Variants in HELZ observed in about 807,000 individuals in gnomAD.
The protein encoded by HELZ is ATP-dependent RNA helicase with zinc finger domain.
HELZ carries 23 observed loss-of-function variants against 218.2 expected under a neutral mutation model. That is an observed-to-expected ratio of 0.11 (90% confidence interval 0.08 to 0.15). The LOEUF (loss-of-function observed/expected upper bound fraction) is 0.15, where lower values mean the gene tolerates loss of function less well. Among genes scored for constraint, HELZ ranks in the 10% least tolerant of loss-of-function variants. The probability of loss-of-function intolerance (pLI) is 1.00; values close to 1 mark genes in which losing one functional copy is unlikely to be tolerated. For missense variants in HELZ, 1,813 were observed against 2,353.7 expected (o/e 0.77, Z 4.75); for synonymous variants, 814 against 829.4 (o/e 0.98, Z 0.32).
At chr17:67,111,414 A>G (rs949276908) in intron 28 of HELZ, among the ~76,000 whole-genome samples, 2 of 152,152 alleles carry the variant, frequency 1.3e-5, no homozygotes, top group African/African-American at 2.4e-5. Context: ...TGGCACGTCA[A>G]TCTCCTTACA....
At chr17:67,144,248 A>G (rs1226925598) in intron 21 of HELZ, among the ~76,000 whole-genome samples, 1 of 152,098 alleles carries the variant, frequency 6.6e-6, no homozygotes, top group Non-Finnish European at 1.5e-5. Context: ...CTACACTGGT[A>G]TTTAGCTGAG....
intron 3 of HELZ, among the ~76,000 whole-genome samples, chr17:67,237,077 C>T (rs755821317): frequency 5.9e-5 from 9 of 152,190 alleles, no homozygotes; most frequent in Admixed American, 1.3e-4. Flanking sequence ...TAGTGGTTCA[C>T]GCCTGTAATC....
Position 67,094,333 on chromosome 17 carries a change from A to AGAGAGAGAGAG in HELZ, c.5242-7253_5242-7252insCTCTCTCTCTC, listed in dbSNP as rs1555597035. Among the ~76,000 whole-genome samples the AGAGAGAGAGAG allele has an allele frequency of 3.5e-3, 511 of 146,622 alleles. 5 individuals are homozygous for AGAGAGAGAGAG. The highest frequency in any genetic ancestry group is 0.013 in the African/African-American group (483 of 38,020). ...GGAGACCTGGTCTTGAAAAAAAAAAAAGAGAGAGAGAGAGAGAGAGATACA... is the reference window on the plus strand; with the variant it reads ...GGAGACCTGGTCTTGAAAAAAAAAAAGAGAGAGAGAGAGAGAGAGAGAGAGAGAGAGATACA... On this transcript the variant is annotated intron_variant, in intron 31 of 32. Coordinates refer to ENST00000358691, the MANE Select transcript of HELZ (RefSeq NM_014877.4).
chr17:67,167,940 A>G (rs2039195631), intron 13 of HELZ, 144 bp from the exon 14 acceptor site: 1 of 639,828 alleles, frequency 1.6e-6, no homozygotes, highest in South Asian at 2.6e-5. Flanking sequence ...TAAAAACTGT[A>G]TTTTTCTGCC....
In HELZ at chr17:67,171,299, C is replaced by T. The variant is rs568728459; in HGVS notation, c.1431-3503G>A. On this transcript the variant is annotated intron_variant, in intron 13 of 32. Transcript: ENST00000358691. The stretch of plus-strand genomic sequence containing the variant: ...TCAAATGGACACTTTTGATTACATG[C>T]CCTTTAAACTCAGTATATGCAAAAC... 2.6e-5 allele frequency among the ~76,000 whole-genome samples: 4 copies of T among 152,268 alleles called. No homozygotes were observed. The South Asian group carries it at 8.3e-4, about 32-fold the overall frequency.
intron 31 of HELZ, among the ~76,000 whole-genome samples, chr17:67,095,079 T>TG (rs2036702016): frequency 6.6e-6 from 1 of 152,200 alleles, no homozygotes; most frequent in Non-Finnish European, 1.5e-5. Flanking sequence ...TCTTTCAAAA[T>TG]GGGAGTCAAT....
chr17:67,137,660 CTG>C (rs2038195105), intron 22 of HELZ, among the ~76,000 whole-genome samples: 2 of 152,156 alleles, frequency 1.3e-5, no homozygotes, highest in African/African-American at 4.8e-5. Context: ...ACTATTATGA[CTG>C]TAATTCACAG....
At chr17:67,101,385 T>A (rs2036925869) in intron 31 of HELZ, among the ~76,000 whole-genome samples, 1 of 151,702 alleles carries the variant, frequency 6.6e-6, no homozygotes, top group Admixed American at 6.6e-5. Context: ...ATATAGAAAC[T>A]GGAAGGGAAA....
intron 17 of HELZ, among the ~76,000 whole-genome samples, chr17:67,159,554 A>G (rs1483781300): frequency 6.6e-6 from 1 of 152,198 alleles, no homozygotes; most frequent in East Asian, 1.9e-4. Flanking sequence ...GTAAAATGGC[A>G]AAACTAAACA....
chr17:67,220,859 C>A (rs2040726210), intron 3 of HELZ, among the ~76,000 whole-genome samples: 1 of 143,616 alleles, frequency 7.0e-6, no homozygotes, highest in South Asian at 2.5e-4. Context: ...TCCCCCCCCC[C>A]CAAAAAAAAA....
chr17:67,155,706 G>A (rs374002004), intron 17 of HELZ, among the ~76,000 whole-genome samples: 2 of 151,982 alleles, frequency 1.3e-5, no homozygotes, highest in Non-Finnish European at 2.9e-5. Flanking sequence ...GCGTGGTGGC[G>A]TGTGCCTGTA....
At chr17:67,218,362 A>T (rs1275855962) in intron 4 of HELZ, among the ~76,000 whole-genome samples, 8 of 152,226 alleles carry the variant, frequency 5.3e-5, no homozygotes, top group Non-Finnish European at 1.2e-4. Flanking sequence ...TCTAGTACAC[A>T]GTACATACTC....
Position 67,108,873 on chromosome 17 carries a change from G to T in HELZ, c.4490-147C>A, listed in dbSNP as rs537219270. ...TAAGAAGTAAATGTTTTCTAAATTTGCCAGAAATCAGTTATGGTGATGATG... is the reference window on the plus strand; with the variant it reads ...TAAGAAGTAAATGTTTTCTAAATTTTCCAGAAATCAGTTATGGTGATGATG... On this transcript the variant is annotated intron_variant, in intron 29 of 32. Coordinates refer to ENST00000358691, the MANE Select transcript of HELZ (RefSeq NM_014877.4). This position sits in a 1 kb window ranked among gnomAD's most constrained non-coding sequence, Gnocchi z 4.1. 6.1e-5 allele frequency: 44 copies of T among 718,192 alleles called. No individual in the cohort carries two copies. The highest frequency in any genetic ancestry group is 9.4e-5 in the Non-Finnish European group (42 of 448,750). The allele number at this position is 718,192 out of a possible 1,614,324, so 44.5% of individuals were successfully genotyped here. A position where few individuals can be genotyped will look rare whatever the true frequency, so the allele number is the denominator to read the frequency against.
chr17:67,202,071 C>A (rs576800740), intron 6 of HELZ, among the ~76,000 whole-genome samples: 1 of 152,068 alleles, frequency 6.6e-6, no homozygotes, highest in South Asian at 2.1e-4. Flanking sequence ...AAGCACAAAT[C>A]TGCCCCATAA....
At chr17:67,143,746 C>CT (rs753396089) in intron 21 of HELZ, among the ~76,000 whole-genome samples, 17 of 152,044 alleles carry the variant, frequency 1.1e-4, no homozygotes, top group Non-Finnish European at 2.4e-4. Context: ...AAAGAATGAT[C>CT]TTTCTCAGTC....
At chr17:67,095,590 T>C (rs1224059705) in intron 31 of HELZ, among the ~76,000 whole-genome samples, 2 of 152,130 alleles carry the variant, frequency 1.3e-5, no homozygotes, top group Non-Finnish European at 2.9e-5. Context: ...CCAAGTTCAA[T>C]CATAAGATTA....
rs186629762 is a variant in HELZ at position 67,160,986 on chromosome 17, C to T, written c.1986G>A (p.Pro662=). The T allele has an allele frequency of 7.1e-5, 115 of 1,613,790 alleles. No homozygotes were observed. In the African/African-American group the frequency reaches 8.5e-4, roughly 12 times the overall value. Residue 662 remains proline (P), a synonymous_variant, in exon 16 of 33, where the codon CCG becomes CCA. Transcript: ENST00000358691. ...CATAGGGTCCGATGATAAGCACAGG[C>T]GGCAGCTGGATTGCAAGTGGAGTGG... ...AITTPLAIQL[P]PVLIIGPYGT...
chr17:67,098,185 C>T (rs912723731), intron 31 of HELZ, among the ~76,000 whole-genome samples: 61 of 152,222 alleles, frequency 4.0e-4, no homozygotes, highest in African/African-American at 1.4e-3. Flanking sequence ...AAGAATAAAC[C>T]TTACTCATGG....
rs2039188493 is a variant in HELZ, at chr17:67,167,737, C to T, written c.1490G>A (p.Gly497Glu). 1 of 1,614,098 alleles carries T rather than the reference C, an allele frequency of 6.2e-7. No homozygotes were observed. Among genetic ancestry groups the T allele is most frequent in the Non-Finnish European group, 8.5e-7 (1 of 1,179,992 alleles). ...TCCATTCTGAGCATACTTTGCACCT[C>T]CAGAAACACCAGTGAGCATGAAGCT... ...LASFMLTGVS[G>E]GAKYAQNGQL... Residue 497 changes from glycine to glutamate, a missense_variant, in exon 14 of 33, where the codon GGA becomes GAA. Around this residue, in one of 4 missense-constraint regions of HELZ, gnomAD observed 714 missense variants for 1,029.2 expected, o/e 0.69. Coordinates refer to ENST00000358691, the MANE Select transcript of HELZ (RefSeq NM_014877.4).
Sources: gnomAD v4.1 joint callset for allele counts (sites outside exome capture counted in the v4.1 genomes callset) on GRCh38, gnomAD v4.1.1 for gene constraint, gnomAD v4.1.1 regional missense constraint, Gnocchi (gnomAD v3.1) non-coding constraint, MANE v1.5 for transcripts, NCBI Gene and HGNC (gene_info 2026-07-23, HGNC 2026-07-21) for gene names.